Variants in PTPRG observed in about 807,000 individuals in gnomAD.
The protein encoded by PTPRG is receptor-type tyrosine-protein phosphatase gamma.
In PTPRG, 102 loss-of-function variants were observed where a neutral mutation model predicts 165.3. The ratio of observed to expected loss-of-function variants is 0.62; its 90% CI spans 0.53 to 0.73. The LOEUF (loss-of-function observed/expected upper bound fraction) is 0.73. Among genes scored for constraint, PTPRG ranks in the 30% least tolerant of loss-of-function variants. The pLI is 0.00. For synonymous variants in PTPRG, 675 were observed against 669.5 expected, an observed-to-expected ratio of 1.01 and a Z score of -0.13; for missense variants, 1,866 against 1,861.4, an observed-to-expected ratio of 1.00 and a Z score of -0.05.
chr3:62,186,008 G>T (rs1705867291), intron 8 of PTPRG, among the ~76,000 whole-genome samples: 1 of 152,168 alleles, frequency 6.6e-6, no homozygotes. Context: ...GGGAGGTGTT[G>T]TTTGAAAGAA....
chr3:62,292,568 G>C lies in PTPRG; in HGVS notation c.4191+12G>C. 6.2e-7 allele frequency: 1 copy of C among 1,611,990 alleles called. No individual in the cohort carries two copies. Among genetic ancestry groups the C allele is most frequent in the Non-Finnish European group, 8.5e-7 (1 of 1,178,886 alleles). ...TATTCACAGACATTGTAAGTAGTTT[G>C]CTTATGTGTAAAACCTGTACTACAT... On this transcript the variant is annotated intron_variant, in intron 29 of 29. Transcript: ENST00000474889.
chr3:61,763,216 A>G (rs1382790471), intron 2 of PTPRG, among the ~76,000 whole-genome samples: 6 of 151,670 alleles, frequency 4.0e-5, no homozygotes, highest in African/African-American at 9.7e-5. Context: ...GCTGCTACCT[A>G]TACCTACCCT....
At chr3:61,589,416 C>G (rs4414848) in intron 1 of PTPRG, among the ~76,000 whole-genome samples, 27,719 of 152,124 alleles carry the variant, frequency 0.18, 2,951 homozygotes, top group African/African-American at 0.27. Flanking sequence ...TGCCCCAAAC[C>G]CATGAGATAC....
Position 62,273,058 on chromosome 3 carries a change from C to A in PTPRG, c.3295C>A (p.Arg1099Ser). 3 of 1,613,164 alleles carry A rather than the reference C, an allele frequency of 1.9e-6. No homozygotes were observed. Among genetic ancestry groups the A allele is most frequent in the Non-Finnish European group, 2.5e-6 (3 of 1,179,568 alleles). Residue 1099 changes from arginine (R) to serine (S), a missense_variant, in exon 22 of 30, where the codon CGT (arginine) becomes AGT (serine). Physicochemically the swap from Arg to Ser is moderately radical, Grantham distance 110 (BLOSUM62 -1). This residue lies in a region of PTPRG where 1,452 missense variants were observed against 1,463.0 expected (regional missense o/e 0.99). Coordinates refer to ENST00000474889, the MANE Select transcript of PTPRG (RefSeq NM_002841.4). This position sits in a 1 kb window ranked among gnomAD's most constrained non-coding sequence, Gnocchi z 4.1. ...LGFLKHIRTQ[R>S]NYLVQTEEQY... ...ATTCCTGAAGCATATCAGGACACAG[C>A]GTAACTACCTCGTCCAGACTGAGGT...
chr3:62,206,444 G>C (rs751744037), intron 12 of PTPRG, among the ~76,000 whole-genome samples: 2 of 152,120 alleles, frequency 1.3e-5, no homozygotes, highest in African/African-American at 2.4e-5. Flanking sequence ...TTGCAAAGTG[G>C]AGCTAATGAT....
In PTPRG at chr3:61,747,960, A is replaced by G. The variant is rs2033276914; in HGVS notation, c.86-918A>G. 2.6e-5 allele frequency among the ~76,000 whole-genome samples: 4 copies of G among 152,216 alleles called. No homozygotes were observed. In the South Asian group the frequency reaches 8.3e-4, roughly 32 times the overall value. ...CAGTGTTTTCAGGTGTGGGCTCACA[A>G]CAAAAGAAATCCGCATCCATGAGGT... On this transcript the variant is annotated intron_variant, in intron 1 of 29. Coordinates refer to ENST00000474889, the MANE Select transcript of PTPRG (RefSeq NM_002841.4).
intron 2 of PTPRG, among the ~76,000 whole-genome samples, chr3:61,899,803 G>C (rs907323208): frequency 2.0e-5 from 3 of 152,134 alleles, no homozygotes; most frequent in African/African-American, 7.2e-5. Flanking sequence ...GGGATTCATC[G>C]GGATGTCGTG....
intron 4 of PTPRG, 58 bp downstream of exon 4, chr3:62,003,555 A>C: frequency 1.9e-6 from 3 of 1,593,712 alleles, no homozygotes; most frequent in Non-Finnish European, 2.6e-6. Context: ...TGTTAATCAG[A>C]TGCTGTGCCC....
At chr3:61,916,813 A>G (rs2038949313) in intron 2 of PTPRG, among the ~76,000 whole-genome samples, 1 of 152,206 alleles carries the variant, frequency 6.6e-6, no homozygotes, top group Admixed American at 6.5e-5. Context: ...GGGTTAAGCA[A>G]ACTGGTATAT....
intron 1 of PTPRG, among the ~76,000 whole-genome samples, chr3:61,729,674 A>G (rs1466275552): frequency 6.6e-6 from 1 of 152,214 alleles, no homozygotes; most frequent in South Asian, 2.1e-4. Context: ...TCATTTTTTA[A>G]CAATTCACCA....
In PTPRG at chr3:62,195,134, A is replaced by C; in HGVS notation, c.1291A>C (p.Met431Leu). ...FRVQAVCRND[M>L]RSDFSQTMLF... ...AGTCCAGGCCGTGTGTCGGAACGAC[A>C]TGCGCAGCGACTTTAGCCAGACGAT... The change falls in exon 10 of 30, where the codon ATG becomes CTG. Residue 431 changes from methionine to leucine, a missense_variant. Physicochemically the swap from Met to Leu is conservative, Grantham distance 15. Around this residue, in one of 3 missense-constraint regions of PTPRG, gnomAD observed 1,452 missense variants for 1,463.0 expected, o/e 0.99. Transcript: ENST00000474889. This position sits in a 1 kb window ranked among gnomAD's most constrained non-coding sequence, Gnocchi z 4.4. The C allele has an allele frequency of 6.2e-7, 1 of 1,614,232 alleles. No homozygotes were observed. Among genetic ancestry groups the C allele is most frequent in the South Asian group, 1.1e-5 (1 of 91,086 alleles).
intron 24 of PTPRG, 101 bp from the exon 25 acceptor site, chr3:62,276,871 C>A (rs1158779279): frequency 4.8e-6 from 4 of 838,290 alleles, no homozygotes; most frequent in South Asian, 1.6e-5. Context: ...GAAAGGGAAG[C>A]CAGGAGGATA....
intron 2 of PTPRG, among the ~76,000 whole-genome samples, chr3:61,778,674 G>A (rs1015201518): frequency 8.5e-5 from 13 of 152,128 alleles, no homozygotes; most frequent in African/African-American, 3.1e-4. Context: ...TGAGAAACTA[G>A]TGAACACATC....
intron 2 of PTPRG, among the ~76,000 whole-genome samples, chr3:61,839,778 G>A (rs1377001721): frequency 1.3e-5 from 2 of 152,138 alleles, no homozygotes; most frequent in South Asian, 2.1e-4. Context: ...GACATTTTCT[G>A]AATTTTCTTT....
Position 61,707,342 on chromosome 3 carries a change from C to G in PTPRG, c.86-41536C>G, listed in dbSNP as rs576788989. ...GATTTATTATAACAAATTGGCTCAT[C>G]GGATTATGGGGGGTGACAAGTTCCA... is the stretch of plus-strand genomic sequence containing the variant. On this transcript the variant is annotated intron_variant, in intron 1 of 29. Transcript: ENST00000474889. 2.6e-5 allele frequency among the ~76,000 whole-genome samples: 4 copies of G among 152,294 alleles called. No individual in the cohort carries two copies. In the East Asian group the frequency reaches 7.7e-4, roughly 29 times the overall value.
chr3:62,102,660 T>G (rs1417950902), intron 5 of PTPRG, among the ~76,000 whole-genome samples: 1 of 152,088 alleles, frequency 6.6e-6, no homozygotes, highest in Non-Finnish European at 1.5e-5. Context: ...GGAAATCTGT[T>G]TTTTTTTCTC....
At chr3:61,653,947 C>T (rs569609816) in intron 1 of PTPRG, among the ~76,000 whole-genome samples, 39 of 151,698 alleles carry the variant, frequency 2.6e-4, no homozygotes, top group Admixed American at 1.4e-3. Context: ...AATTAAGGTA[C>T]ATCATCTGTT....
chr3:61,819,672 C>G (rs644488), intron 2 of PTPRG, among the ~76,000 whole-genome samples: 46,610 of 152,000 alleles, frequency 0.31, 7,470 homozygotes, highest in East Asian at 0.58. Context: ...AGAAATTAAA[C>G]TGAGTATCAT....
chr3:61,568,770 T>C (rs1209505605), intron 1 of PTPRG, among the ~76,000 whole-genome samples: 3 of 152,052 alleles, frequency 2.0e-5, no homozygotes, highest in Non-Finnish European at 4.4e-5. Context: ...TAGCTGGGCA[T>C]GGTGGTGCAC....
Sources: gnomAD v4.1 joint callset for allele counts (sites outside exome capture counted in the v4.1 genomes callset) on GRCh38, gnomAD v4.1.1 for gene constraint, gnomAD v4.1.1 regional missense constraint, Gnocchi (gnomAD v3.1) non-coding constraint, MANE v1.5 for transcripts, NCBI Gene and HGNC (gene_info 2026-07-23, HGNC 2026-07-21) for gene names.